ZNF185: variants seen among roughly 807,000 people sequenced by gnomAD.
ZNF185 encodes zinc finger protein 185 with LIM domain.
In ZNF185, 56 loss-of-function variants were observed where a neutral mutation model predicts 58.6. The ratio of observed to expected loss-of-function variants is 0.95; its 90% CI spans 0.77 to 1.19. The LOEUF is 1.19. Ranked by LOEUF, ZNF185 falls within the 50% of genes most tolerant of loss-of-function variation. The pLI is 0.00. For synonymous variants in ZNF185, 230 were observed against 215.9 expected, an observed-to-expected ratio of 1.07 and a Z score of -0.57; for missense variants, 627 against 573.5, an observed-to-expected ratio of 1.09 and a Z score of -0.95.
At chrX:152,916,939 G>A (rs782391859) in intron 3 of ZNF185, among the ~76,000 whole-genome samples, 192 bp from the exon 5 acceptor site, 1 of 112,874 alleles carries the variant, frequency 8.9e-6, no homozygotes, top group East Asian at 2.8e-4. Flanking sequence ...GGAGCATGAG[G>A]GAAATAGGCA....
chrX:152,899,384 G>A, the ZNF185 span, among the ~76,000 whole-genome samples: 5 of 113,039 alleles, frequency 4.4e-5, no homozygotes, highest in Admixed American at 4.6e-4. Flanking sequence ...CCAGCAAGTG[G>A]CCAAGACACA....
intron 9 of ZNF185, 37 bp from the exon 11 acceptor site, chrX:152,922,136 A>C (rs940030355): frequency 4.3e-6 from 5 of 1,164,696 alleles, no homozygotes; most frequent in Non-Finnish European, 5.8e-6. Context: ...AGGGCAGCCA[A>C]GAAGACCACG....
chrX:152,904,033 C>T, the ZNF185 span, among the ~76,000 whole-genome samples: 1 of 112,776 alleles, frequency 8.9e-6, no homozygotes, highest in Non-Finnish European at 1.9e-5. Context: ...ACAAATACCA[C>T]CCCCGCCATG....
intron 11 of ZNF185, among the ~76,000 whole-genome samples, chrX:152,928,269 A>C (rs1306979568): frequency 1.8e-5 from 2 of 112,343 alleles, no homozygotes; most frequent in African/African-American, 6.5e-5. Flanking sequence ...GTGGGGTCAC[A>C]GGCTGCGGTT....
At position 152,969,470 on chromosome X, in the gene ZNF185, G is replaced by T. The variant is rs1450750800; in HGVS notation, c.1960G>T (p.Glu654Ter). The change falls in exon 21 of 23, where the codon GAA becomes TAA. Residue 654 changes from glutamate (E) to a stop codon, truncating the protein, a stop_gained. Transcript: ENST00000449285. LOFTEE classifies it high-confidence loss of function. ...AGAACATCTTGGTATCTGCTGCCAT[G>T]AATATTGCTTTAAGGTAAAAAAGAG... is the stretch of plus-strand genomic sequence containing the variant. 3.3e-6 allele frequency: 4 copies of T among 1,201,889 alleles called. No homozygotes were observed. The highest frequency in any genetic ancestry group is 3.4e-6 in the Non-Finnish European group (3 of 889,987).
intron 22 of ZNF185, among the ~76,000 whole-genome samples, chrX:152,971,016 A>G (rs1265865995): frequency 1.8e-5 from 2 of 111,883 alleles, no homozygotes; most frequent in Admixed American, 1.9e-4. Flanking sequence ...TCTGGGCCAC[A>G]TTATGAGAAC....
In ZNF185 at chrX:152,920,615, G is replaced by A; in HGVS notation, c.615-92G>A. 2.7e-6 allele frequency: 3 copies of A among 1,107,879 alleles called. 1 individual carries two copies. Among genetic ancestry groups the A allele is most frequent in the South Asian group, 3.7e-5 (2 of 53,570 alleles). The allele number at this position is 1,107,879 out of a possible 1,213,427, so 91.3% of individuals were successfully genotyped here. ...CAGGGACAGTGAAGTGCCGGGAATG[G>A]AGAGGGCCCAGGACCCTCTGAGGTA... On this transcript the variant is annotated intron_variant, in intron 8 of 22. Coordinates refer to ENST00000449285, the Ensembl canonical transcript of ZNF185.
the ZNF185 span, among the ~76,000 whole-genome samples, chrX:152,899,751 G>C: frequency 3.6e-5 from 4 of 112,180 alleles, no homozygotes; most frequent in Non-Finnish European, 7.5e-5. Context: ...CCCTGGCTGG[G>C]AAGATCAGGG....
intron 10 of ZNF185, 144 bp from the exon 12 acceptor site, chrX:152,922,576 G>A (rs1190110351): frequency 3.6e-5 from 20 of 561,702 alleles, no homozygotes; most frequent in Non-Finnish European, 4.9e-5. Context: ...ACCATCCTTG[G>A]GGTTTGAGAG....
At chrX:152,914,105 C>T (rs1348223732), upstream of ZNF185, among the ~76,000 whole-genome samples, 1 of 111,321 alleles carries the variant, frequency 9.0e-6, no homozygotes, top group Admixed American at 9.5e-5. Flanking sequence ...GTCTTCCCCA[C>T]ACCCCCCAGC....
chrX:152,965,491 T>A, exon 19 of ZNF185: 1 of 1,189,338 alleles, frequency 8.4e-7, no homozygotes, highest in Non-Finnish European at 1.1e-6. Flanking sequence ...GCTAGTGAAG[T>A]GTCTTCTGGG....
chrX:152,903,388 C>CA, the ZNF185 span, among the ~76,000 whole-genome samples: 347 of 35,845 alleles, frequency 9.7e-3, 17 homozygotes, highest in African/African-American at 0.029. Context: ...AGACTCGTCT[C>CA]AAAAAAAAAA....
chrX:152,909,013 C>T, the ZNF185 span, among the ~76,000 whole-genome samples: 5 of 113,051 alleles, frequency 4.4e-5, no homozygotes, highest in Non-Finnish European at 9.4e-5. Flanking sequence ...AGAGCGGAGC[C>T]CAGGCCACTG....
At chrX:152,971,169 C>T (rs1475304462) in intron 22 of ZNF185, 105 bp from the exon 25 acceptor site, 1 of 112,112 alleles carries the variant, frequency 8.9e-6, no homozygotes, top group African/African-American at 3.2e-5. Context: ...CCAGAAGACA[C>T]ACCTTGAGCT....
chrX:152,919,972 G>C lies in ZNF185; in HGVS notation c.531-356G>C, dbSNP rs184028413. ...GAATGCCAGCTCTGCCACCTGCTAGGTGAGTGCTCTTGGGCAAATAATGAA... is the reference window on the plus strand; with the variant it reads ...GAATGCCAGCTCTGCCACCTGCTAGCTGAGTGCTCTTGGGCAAATAATGAA... On this transcript the variant is annotated intron_variant, in intron 7 of 22. Transcript: ENST00000449285. Among the ~76,000 whole-genome samples the C allele has an allele frequency of 4.4e-4, 50 of 113,207 alleles. 1 individual carries two copies. The East Asian group carries it at 0.012, about 27-fold the overall frequency.
At position 152,967,052 on chromosome X, in the gene ZNF185, C is replaced by T. The variant is rs1801498653; in HGVS notation, c.1800-115C>T. The T allele has an allele frequency of 2.3e-5, 16 of 700,558 alleles. 1 individual carries two copies. The Middle Eastern group carries it at 3.1e-3, about 137-fold the overall frequency. 57.7% of individuals were successfully genotyped at this position (700,558 alleles called of 1,213,427 possible). ...CCCTGTGGCACCAAGTCATGAATGA[C>T]GACTGGCATCGTAGTTATGTCTCAG... On this transcript the variant is annotated intron_variant, in intron 19 of 22. Transcript: ENST00000449285.
At position 152,953,408 on chromosome X, in the gene ZNF185, G is replaced by A. The variant is rs782760863; in HGVS notation, c.1410-6291G>A. ...AAAGTGTCCAATAAAAGCAAATACC[G>A]TCTCTGGGCAGGGTGCAATGGCTCA... On this transcript the variant is annotated intron_variant, in intron 16 of 22. Coordinates refer to ENST00000449285, the Ensembl canonical transcript of ZNF185. 1.7e-3 allele frequency among the ~76,000 whole-genome samples: 187 copies of A among 112,111 alleles called. 1 individual carries two copies. Among genetic ancestry groups the A allele is most frequent in the African/African-American group, 5.8e-3 (179 of 30,912 alleles).
intron 14 of ZNF185, among the ~76,000 whole-genome samples, chrX:152,934,446 T>G (rs1287031485): frequency 8.9e-6 from 1 of 112,601 alleles, no homozygotes; most frequent in Non-Finnish European, 1.9e-5. Flanking sequence ...CAAAGTTACT[T>G]GTAAAGTCAT....
chrX:152,921,891 G>T (rs781863813), intron 9 of ZNF185, among the ~76,000 whole-genome samples: 1 of 111,915 alleles, frequency 8.9e-6, no homozygotes, highest in Admixed American at 9.5e-5. Context: ...TCCTACTCCA[G>T]TATGACCTCA....
Sources: allele counts gnomAD v4.1 joint callset (sites outside exome capture counted in the v4.1 genomes callset), GRCh38; gene constraint gnomAD v4.1.1; transcripts MANE v1.5; gene names NCBI Gene and HGNC (gene_info 2026-07-23, HGNC 2026-07-21).